The following KCNN2 variants were observed in gnomAD, a reference collection of about 807,000 sequenced individuals.
KCNN2 encodes the protein small conductance calcium-activated potassium channel protein 2.
Under a neutral mutation model 55.5 loss-of-function variants are expected in KCNN2, and 24 were observed. The ratio of observed to expected loss-of-function variants is 0.43; its 90% CI spans 0.31 to 0.61. The LOEUF (loss-of-function observed/expected upper bound fraction) is 0.61. KCNN2 is among the 20% of genes least tolerant of loss of function. The pLI, the probability that KCNN2 is intolerant of heterozygous loss-of-function variation, is 0.08. For synonymous variants in KCNN2, 431 were observed against 336.1 expected (o/e 1.28, Z -3.09); for missense variants, 754 against 853.6 (o/e 0.88, Z 1.45).
rs375413984 is a variant in KCNN2, at chr5:114,175,979, A to G, written c.-270-45501A>G. Among the ~76,000 whole-genome samples the G allele has an allele frequency of 7.9e-5, 12 of 152,338 alleles. 1 individual carries two copies. The East Asian group carries it at 1.5e-3, about 20-fold the overall frequency. ...TTAGGTTAATATAGTATTCACATACATATTTCTTATTGGAGATAATTACAT... is the reference window on the plus strand; with the variant it reads ...TTAGGTTAATATAGTATTCACATACGTATTTCTTATTGGAGATAATTACAT... On this transcript the variant is annotated intron_variant, in intron 1 of 10. Transcript: ENST00000512097.
chr5:114,420,977 C>T (rs922126), intron 3 of KCNN2, among the ~76,000 whole-genome samples: 3,350 of 152,108 alleles, frequency 0.022, 99 homozygotes, highest in African/African-American at 0.073. Context: ...ATATTTAAGA[C>T]AGTTTGGGAT....
At chr5:114,167,958 A>G (rs542485036) in intron 1 of KCNN2, among the ~76,000 whole-genome samples, 2 of 152,030 alleles carry the variant, frequency 1.3e-5, no homozygotes, top group East Asian at 3.9e-4. Flanking sequence ...TAGCATATTG[A>G]TTTTCAGATT....
chr5:114,477,152 A>AG (rs147493502), intron 5 of KCNN2, among the ~76,000 whole-genome samples: 1 of 151,936 alleles, frequency 6.6e-6, no homozygotes, highest in Non-Finnish European at 1.5e-5. Flanking sequence ...GAAAGAAATC[A>AG]TTTTTTCTGA....
At chr5:114,440,027 T>G (rs981110057) in intron 3 of KCNN2, among the ~76,000 whole-genome samples, 1 of 151,802 alleles carries the variant, frequency 6.6e-6, no homozygotes, top group Non-Finnish European at 1.5e-5. Context: ...TTCAGCTGGG[T>G]TTTTTTTCTG....
At chr5:114,248,099 G>A (rs929341228) in intron 2 of KCNN2, among the ~76,000 whole-genome samples, 9 of 152,080 alleles carry the variant, frequency 5.9e-5, no homozygotes, top group African/African-American at 1.9e-4. Flanking sequence ...AGGTCATGTC[G>A]ACCTACTTGA....
intron 1 of KCNN2, among the ~76,000 whole-genome samples, chr5:114,136,144 A>G (rs190697771): frequency 9.2e-5 from 14 of 152,332 alleles, no homozygotes; most frequent in African/African-American, 3.1e-4. Context: ...ACTAGAGACA[A>G]ATAAAAGGAC....
chr5:114,150,928 G>A (rs541051946), intron 1 of KCNN2, among the ~76,000 whole-genome samples: 1 of 152,240 alleles, frequency 6.6e-6, no homozygotes, highest in Non-Finnish European at 1.5e-5. Flanking sequence ...GGATGAGGCA[G>A]GAGAATTGCT....
At chr5:114,318,008 G>A (rs568828348) in intron 2 of KCNN2, among the ~76,000 whole-genome samples, 2 of 152,272 alleles carry the variant, frequency 1.3e-5, no homozygotes, top group South Asian at 4.1e-4. Flanking sequence ...ACACGTGGAT[G>A]TTTATTATGG....
At chr5:114,313,621 T>G (rs1756447180) in intron 2 of KCNN2, among the ~76,000 whole-genome samples, 1 of 152,148 alleles carries the variant, frequency 6.6e-6, no homozygotes, top group Non-Finnish European at 1.5e-5. Context: ...TGGGCCAATC[T>G]ACAAGATATC....
At chr5:114,375,952 G>GTGTATATATATATATATATATATATA (rs1249028214) in intron 2 of KCNN2, among the ~76,000 whole-genome samples, 12 of 104,710 alleles carry the variant, frequency 1.1e-4, no homozygotes, top group African/African-American at 1.4e-4. Context: ...GACTCACAGT[G>GTGTATATATATATATATATATATATA]TATATATATA....
chr5:114,233,823 A>G lies in KCNN2; in HGVS notation c.-185+12258A>G, dbSNP rs550771356. On this transcript the variant is annotated intron_variant, in intron 2 of 10. Transcript: ENST00000512097. ...TTCTAATTCTTCTTATCTTTAAGAA[A>G]ACTACTTGTTTCCATTTTTCTTCTC... Among the ~76,000 whole-genome samples the G allele has an allele frequency of 9.8e-4, 150 of 152,300 alleles. 2 individuals are homozygous for G. Among genetic ancestry groups the G allele is most frequent in the African/African-American group, 3.4e-3 (143 of 41,580 alleles).
At chr5:114,357,296 T>A (rs907562466), upstream of KCNN2, among the ~76,000 whole-genome samples, 5 of 120,980 alleles carry the variant, frequency 4.1e-5, no homozygotes, top group African/African-American at 1.5e-4. Flanking sequence ...CAACATGAAA[T>A]TTTTTTTTTT....
At chr5:114,097,240 G>C (rs1490571522) in intron 1 of KCNN2, among the ~76,000 whole-genome samples, 2 of 152,306 alleles carry the variant, frequency 1.3e-5, no homozygotes, top group East Asian at 3.9e-4. Flanking sequence ...TCACATGATG[G>C]AAAGTAATCA....
chr5:114,482,978 G>A (rs1211587771), intron 5 of KCNN2, among the ~76,000 whole-genome samples: 1 of 151,738 alleles, frequency 6.6e-6, no homozygotes, highest in African/African-American at 2.4e-5. Flanking sequence ...AAACCACCAT[G>A]GCATGTGTTT....
At chr5:114,383,587 G>A (rs1002228026) in intron 2 of KCNN2, among the ~76,000 whole-genome samples, 3 of 148,942 alleles carry the variant, frequency 2.0e-5, no homozygotes, top group Non-Finnish European at 4.4e-5. Context: ...TCCTGCCTCC[G>A]CTTCCCAAGT....
At chr5:114,082,181 C>T (rs910470175) in intron 1 of KCNN2, among the ~76,000 whole-genome samples, 4 of 151,814 alleles carry the variant, frequency 2.6e-5, no homozygotes, top group African/African-American at 4.8e-5. Flanking sequence ...AGACTTAGGC[C>T]GGGCATGGTG....
Position 114,111,110 on chromosome 5 carries a change from T to C in KCNN2, c.-271+54610T>C, listed in dbSNP as rs147226104. On this transcript the variant is annotated intron_variant, in intron 1 of 10. Coordinates refer to the KCNN2 transcript ENST00000512097. ...CGAGGCTCTAGTAACAAAAACAGCA[T>C]GGTACTGTTACCAAAACAGATATAT... 3.1e-3 allele frequency among the ~76,000 whole-genome samples: 472 copies of C among 152,172 alleles called. 2 individuals are homozygous for C. Among genetic ancestry groups the C allele is most frequent in the African/African-American group, 0.011 (450 of 41,528 alleles).
At chr5:114,426,344 C>A (rs1327937389) in intron 3 of KCNN2, among the ~76,000 whole-genome samples, 1 of 152,154 alleles carries the variant, frequency 6.6e-6, no homozygotes, top group African/African-American at 2.4e-5. Context: ...ATAAATCCTA[C>A]TTGGTCATTT....
chr5:114,142,744 T>G (rs541495326), intron 1 of KCNN2, among the ~76,000 whole-genome samples: 71 of 152,318 alleles, frequency 4.7e-4, no homozygotes, highest in African/African-American at 1.5e-3. Context: ...GAGCATTCCA[T>G]GCTCATACAT....
Sources: allele counts gnomAD v4.1 joint callset (sites outside exome capture counted in the v4.1 genomes callset), GRCh38; gene constraint gnomAD v4.1.1; transcripts MANE v1.5; gene names NCBI Gene and HGNC (gene_info 2026-07-23, HGNC 2026-07-21).